Variants in RIMS1 observed in about 807,000 individuals in gnomAD.
The protein encoded by RIMS1 is regulating synaptic membrane exocytosis protein 1.
A neutral mutation model predicts 214.1 loss-of-function variants in RIMS1; 83 were observed. That is an observed-to-expected ratio of 0.39 (90% CI 0.32 to 0.47). The LOEUF is 0.47. RIMS1 is among the 20% of genes least tolerant of loss of function. RIMS1 has a pLI of 0.99. For synonymous variants in RIMS1, 793 were observed against 786.8 expected (o/e 1.01, Z -0.13); for missense variants, 2,050 against 2,161.8 (o/e 0.95, Z 1.03).
intron 1 of RIMS1, among the ~76,000 whole-genome samples, chr6:71,895,833 G>C (rs755433516): frequency 2.0e-5 from 3 of 152,062 alleles, no homozygotes; most frequent in Non-Finnish European, 4.4e-5. Context: ...CAATGTATTG[G>C]GTTTCTTTAA....
chr6:72,077,416 A>G (rs1052020791), intron 2 of RIMS1, among the ~76,000 whole-genome samples: 2 of 152,220 alleles, frequency 1.3e-5, no homozygotes, highest in African/African-American at 4.8e-5. Context: ...GGTATGCAGT[A>G]GATGATCAAT....
intron 29 of RIMS1, among the ~76,000 whole-genome samples, chr6:72,379,291 G>A (rs1384975852): frequency 2.6e-5 from 4 of 152,230 alleles, no homozygotes; most frequent in Non-Finnish European, 2.9e-5. Context: ...GGCTTCGCCA[G>A]CTTCATCAAA....
intron 2 of RIMS1, among the ~76,000 whole-genome samples, chr6:72,070,199 T>C (rs1554211667): frequency 6.6e-6 from 1 of 152,174 alleles, no homozygotes; most frequent in Non-Finnish European, 1.5e-5. Flanking sequence ...ACATAGACAA[T>C]TCTTGGATCA....
chr6:72,080,779 C>T (rs1833181748), intron 2 of RIMS1, among the ~76,000 whole-genome samples: 1 of 152,192 alleles, frequency 6.6e-6, no homozygotes, highest in African/African-American at 2.4e-5. Flanking sequence ...AATGTGCTCC[C>T]TCACCTCCTT....
intron 6 of RIMS1, among the ~76,000 whole-genome samples, chr6:72,200,106 C>A (rs2463699): frequency 0.71 from 107,750 of 151,976 alleles, 38,546 homozygotes; most frequent in East Asian, 0.84. Flanking sequence ...TTGCAAGTAA[C>A]CAATTTTGGT....
chr6:71,899,039 A>C (rs962709829), intron 1 of RIMS1, among the ~76,000 whole-genome samples: 1 of 152,148 alleles, frequency 6.6e-6, no homozygotes, highest in African/African-American at 2.4e-5. Context: ...TAAGTAAATA[A>C]TATATAAGTA....
chr6:72,400,733 A>C lies in RIMS1; in HGVS notation c.*19A>C. On this transcript the variant is annotated 3_prime_UTR_variant, in exon 34 of 34. Coordinates refer to ENST00000521978, the MANE Select transcript of RIMS1 (RefSeq NM_014989.7). Reference sequence around the variant, plus strand: ...ATCATAGTGAACTCATACCAGAGTCATTCCAATAAAACTCTACTTTTCAGG... The same window carrying C: ...ATCATAGTGAACTCATACCAGAGTCCTTCCAATAAAACTCTACTTTTCAGG... The C allele has an allele frequency of 1.9e-6, 3 of 1,546,796 alleles. No individual in the cohort carries two copies. The highest frequency in any genetic ancestry group is 2.7e-6 in the Non-Finnish European group (3 of 1,122,794).
chr6:72,340,860 A>G (rs1270427182), intron 29 of RIMS1, among the ~76,000 whole-genome samples: 1 of 152,084 alleles, frequency 6.6e-6, no homozygotes, highest in African/African-American at 2.4e-5. Flanking sequence ...TTGAATGTAT[A>G]AATTACCTTG....
At chr6:72,342,234 A>C (rs1433347660) in intron 29 of RIMS1, among the ~76,000 whole-genome samples, 1 of 151,770 alleles carries the variant, frequency 6.6e-6, no homozygotes, top group Non-Finnish European at 1.5e-5. Flanking sequence ...CCATTTTGTC[A>C]TTCATTTCAG....
intron 4 of RIMS1, among the ~76,000 whole-genome samples, chr6:72,107,737 A>C (rs752461593): frequency 6.6e-6 from 1 of 152,142 alleles, no homozygotes; most frequent in Non-Finnish European, 1.5e-5. Flanking sequence ...ATACCAAATA[A>C]ATTTCATATT....
At chr6:72,396,795 C>T (rs2815737) in intron 31 of RIMS1, among the ~76,000 whole-genome samples, 37,982 of 151,834 alleles carry the variant, frequency 0.25, 5,006 homozygotes, top group Middle Eastern at 0.31. Context: ...GGCAGATCAC[C>T]GGAGGTCAGG....
At chr6:71,940,249 A>G (rs1785647710) in intron 1 of RIMS1, among the ~76,000 whole-genome samples, 3 of 152,236 alleles carry the variant, frequency 2.0e-5, no homozygotes. Flanking sequence ...CTATAGTAGC[A>G]TATATCCAAA....
chr6:72,091,958 A>C (rs547682577), intron 2 of RIMS1, among the ~76,000 whole-genome samples: 2 of 152,250 alleles, frequency 1.3e-5, no homozygotes, highest in African/African-American at 4.8e-5. Context: ...TTAATAAAAT[A>C]TGTATTTCCA....
At chr6:72,245,708 C>A in intron 10 of RIMS1, 107 bp from the exon 11 acceptor site, 3 of 794,892 alleles carry the variant, frequency 3.8e-6, no homozygotes, top group South Asian at 1.6e-5. Flanking sequence ...CATTTCCACA[C>A]CTGTAAAGAC....
chr6:72,150,244 T>TA (rs1013506975), intron 4 of RIMS1, among the ~76,000 whole-genome samples: 5 of 150,776 alleles, frequency 3.3e-5, no homozygotes, highest in African/African-American at 7.3e-5. Context: ...CATGACAGTG[T>TA]AAAAAAAACA....
intron 2 of RIMS1, among the ~76,000 whole-genome samples, chr6:71,997,557 G>A (rs1166466189): frequency 6.6e-6 from 1 of 152,176 alleles, no homozygotes; most frequent in Non-Finnish European, 1.5e-5. Flanking sequence ...ATAGCACTTT[G>A]GGGAATGATG....
At chr6:72,262,275 T>C (rs1220579101) in intron 19 of RIMS1, 3 of 842,608 alleles carry the variant, frequency 3.6e-6, no homozygotes, top group South Asian at 5.5e-5. Context: ...TACTTAAGAT[T>C]GGTGCTTTGC....
intron 1 of RIMS1, among the ~76,000 whole-genome samples, chr6:71,919,699 T>C (rs552182361): frequency 6.6e-6 from 1 of 152,076 alleles, no homozygotes; most frequent in Non-Finnish European, 1.5e-5. Context: ...TAGCCAGAGA[T>C]TGAGGTAGAT....
chr6:71,994,017 TTGTG>T (rs1802655165), intron 2 of RIMS1, among the ~76,000 whole-genome samples: 1 of 152,216 alleles, frequency 6.6e-6, no homozygotes. Flanking sequence ...AAATGTATCT[TTGTG>T]TGACTACAAT....
Sources: gnomAD v4.1 joint callset for allele counts (sites outside exome capture counted in the v4.1 genomes callset) on GRCh38, gnomAD v4.1.1 for gene constraint, MANE v1.5 for transcripts, NCBI Gene and HGNC (gene_info 2026-07-23, HGNC 2026-07-21) for gene names.